Variants in ZNF280D observed in about 807,000 individuals in gnomAD.
ZNF280D encodes suppressor of hairy wing homolog 4.
ZNF280D carries 39 observed loss-of-function variants against 94.7 expected under a neutral mutation model. The observed-to-expected ratio is 0.41, with a 90% CI of 0.32 to 0.54. ZNF280D has a LOEUF of 0.54. Among genes scored for constraint, ZNF280D ranks in the 20% least tolerant of loss-of-function variants. The pLI, the probability that ZNF280D is intolerant of heterozygous loss-of-function variation, is 0.22. For synonymous variants in ZNF280D, 398 were observed against 377.6 expected (o/e 1.05, Z -0.63); for missense variants, 1,090 against 1,149.3 (o/e 0.95, Z 0.75).
At chr15:56,645,967 T>C (rs2052866699) in intron 19 of ZNF280D, among the ~76,000 whole-genome samples, 1 of 152,178 alleles carries the variant, frequency 6.6e-6, no homozygotes, top group South Asian at 2.1e-4. Context: ...AATATTCAGA[T>C]TCATTTCAGC....
intron 7 of ZNF280D, among the ~76,000 whole-genome samples, chr15:56,691,295 T>A (rs182863160): frequency 1.3e-5 from 2 of 152,310 alleles, no homozygotes; most frequent in African/African-American, 4.8e-5. Context: ...ATGATTTTTT[T>A]CCATCTTCAA....
Position 56,654,478 on chromosome 15 carries a change from A to C in ZNF280D, c.2083T>G (p.Cys695Gly). 1 of 1,607,290 alleles carries C rather than the reference A, an allele frequency of 6.2e-7. No individual in the cohort carries two copies. The highest frequency in any genetic ancestry group is 8.5e-7 in the Non-Finnish European group (1 of 1,178,178). The change falls in exon 18 of 22, where the codon TGT becomes GGT. Residue 695 changes from cysteine (C) to glycine (G), a missense_variant. This residue lies in a region of ZNF280D where 577 missense variants were observed against 568.8 expected (regional missense o/e 1.01). Transcript: ENST00000267807. ...LRGITLVCLN[C>G]DFLSDVSGLD... ...CCAGAAACATCACTTAGGAAATCACAATTAAGGCACACTAGAGTAATGCCC... is the reference window on the plus strand; with the variant it reads ...CCAGAAACATCACTTAGGAAATCACCATTAAGGCACACTAGAGTAATGCCC...
At chr15:56,653,091 T>C (rs1489408957) in intron 19 of ZNF280D, 2 of 986,926 alleles carry the variant, frequency 2.0e-6, no homozygotes, top group Non-Finnish European at 2.4e-6. Flanking sequence ...ATAGATTTTA[T>C]ATGTCAGTAA....
intron 19 of ZNF280D, among the ~76,000 whole-genome samples, chr15:56,643,302 A>G (rs1256001693): frequency 6.6e-6 from 1 of 151,856 alleles, no homozygotes; most frequent in Non-Finnish European, 1.5e-5. Context: ...AGACATACAC[A>G]TTAGTAAAAC....
At chr15:56,642,310 C>T (rs1481946976) in intron 20 of ZNF280D, among the ~76,000 whole-genome samples, 6 of 151,674 alleles carry the variant, frequency 4.0e-5, no homozygotes, top group South Asian at 2.1e-4. Flanking sequence ...TTATATTATG[C>T]GCCATTCAAG....
intron 16 of ZNF280D, among the ~76,000 whole-genome samples, chr15:56,659,911 A>AT (rs1234770112): frequency 3.4e-4 from 51 of 150,966 alleles, no homozygotes; most frequent in Admixed American, 1.8e-3. Context: ...AAGGAAAAAA[A>AT]AAATATATAT....
intron 1 of ZNF280D, among the ~76,000 whole-genome samples, chr15:56,712,740 C>CTTTTTT (rs370458226): frequency 1.5e-5 from 2 of 133,516 alleles, no homozygotes; most frequent in Admixed American, 7.7e-5. Flanking sequence ...TGGTGAATGG[C>CTTTTTT]TTTTTTTTTT....
chr15:56,638,123 AAAC>A (rs763793964), intron 20 of ZNF280D, among the ~76,000 whole-genome samples: 102 of 152,316 alleles, frequency 6.7e-4, no homozygotes, highest in Admixed American at 1.1e-3. Context: ...ATATCAAGGA[AAAC>A]AACTGACAGT....
intron 4 of ZNF280D, among the ~76,000 whole-genome samples, chr15:56,701,986 G>T (rs1362541930): frequency 7.2e-6 from 1 of 138,648 alleles, no homozygotes; most frequent in Non-Finnish European, 1.5e-5. Context: ...ATGAGGATTT[G>T]CCTAAAATTG....
intron 4 of ZNF280D, among the ~76,000 whole-genome samples, chr15:56,703,648 G>C (rs1327070633): frequency 1.3e-5 from 2 of 152,128 alleles, no homozygotes; most frequent in African/African-American, 4.8e-5. Flanking sequence ...GAGCTCAGGA[G>C]TTCGAGAGCA....
At chr15:56,672,428 T>C (rs900075687) in intron 13 of ZNF280D, among the ~76,000 whole-genome samples, 2 of 152,166 alleles carry the variant, frequency 1.3e-5, no homozygotes, top group African/African-American at 4.8e-5. Context: ...TCTGCATCTA[T>C]TGAGATAATC....
intron 1 of ZNF280D, among the ~76,000 whole-genome samples, chr15:56,713,256 A>G (rs759614493): frequency 1.3e-5 from 2 of 152,252 alleles, no homozygotes; most frequent in Non-Finnish European, 2.9e-5. Flanking sequence ...CAAATAGTGA[A>G]AATTTATACT....
rs779087606 is a variant in ZNF280D at position 56,663,211 on chromosome 15, A to C, written c.1994+3184T>G. Among the ~76,000 whole-genome samples the C allele has an allele frequency of 3.8e-4, 56 of 146,858 alleles. 1 individual carries two copies. Among genetic ancestry groups the C allele is most frequent in the Non-Finnish European group, 7.0e-4 (47 of 66,802 alleles). On this transcript the variant is annotated intron_variant, in intron 16 of 21. Transcript: ENST00000267807. The stretch of plus-strand genomic sequence containing the variant: ...AGGTGGGAGGATCACCTGAGCCCAG[A>C]AGGTTGAGGCTGTAGTGAACTGTGA...
Position 56,705,866 on chromosome 15 carries a change from A to G in ZNF280D, c.28+1216T>C, listed in dbSNP as rs551337431. On this transcript the variant is annotated intron_variant, in intron 3 of 21. Transcript: ENST00000267807. ...GTAGGCACATGGCATATAATAATCT[A>G]TGGACTAGGCGAAGTCAGAAAATGC... 5.3e-5 allele frequency among the ~76,000 whole-genome samples: 8 copies of G among 152,008 alleles called. 1 individual carries two copies. The South Asian group carries it at 1.5e-3, about 28-fold the overall frequency.
chr15:56,733,494 G>A lies in ZNF280D; in HGVS notation c.-122C>T, dbSNP rs1467941796. 8.8e-7 allele frequency: 1 copy of A among 1,137,862 alleles called. No individual in the cohort carries two copies. Among genetic ancestry groups the A allele is most frequent in the Non-Finnish European group, 1.1e-6 (1 of 916,274 alleles). The allele number at this position is 1,137,862 out of a possible 1,614,324, so 70.5% of individuals were successfully genotyped here. A position where few individuals can be genotyped will look rare whatever the true frequency, so the allele number is the denominator to read the frequency against. ...CGGATCGGCCTGACTGGAGCCCTGA[G>A]GAGGAGGAGAAAGAGGAGGAGGAAA... On this transcript the variant is annotated 5_prime_UTR_variant, in exon 1 of 22. Transcript: ENST00000267807.
At chr15:56,727,530 G>A (rs1387367116) in intron 1 of ZNF280D, among the ~76,000 whole-genome samples, 1 of 152,194 alleles carries the variant, frequency 6.6e-6, no homozygotes, top group Non-Finnish European at 1.5e-5. Context: ...GGAGGGCACA[G>A]AACTCTTCCA....
At chr15:56,685,042 T>G (rs1358353535) in intron 9 of ZNF280D, among the ~76,000 whole-genome samples, 2 of 152,126 alleles carry the variant, frequency 1.3e-5, no homozygotes, top group African/African-American at 2.4e-5. Flanking sequence ...TTGTCCCAGA[T>G]TCCTCAAAAG....
intron 20 of ZNF280D, among the ~76,000 whole-genome samples, chr15:56,642,012 G>A (rs1446432394): frequency 6.6e-6 from 1 of 151,564 alleles, no homozygotes; most frequent in Non-Finnish European, 1.5e-5. Context: ...ATGAATGAGA[G>A]GGGATATCAC....
chr15:56,659,246 A>G (rs2053755137), intron 16 of ZNF280D, among the ~76,000 whole-genome samples: 1 of 151,724 alleles, frequency 6.6e-6, no homozygotes, highest in African/African-American at 2.4e-5. Context: ...AGAAAAGAAA[A>G]CTAACCCAAT....
Sources: allele counts gnomAD v4.1 joint callset (sites outside exome capture counted in the v4.1 genomes callset), GRCh38; gene constraint gnomAD v4.1.1; regional missense constraint gnomAD v4.1.1; transcripts MANE v1.5; gene names NCBI Gene and HGNC (gene_info 2026-07-23, HGNC 2026-07-21).